The following MS4A4A variants were observed in gnomAD, a reference collection of about 807,000 sequenced individuals.
MS4A4A encodes membrane spanning 4-domains A4A, also known as membrane-spanning 4-domains subfamily A member 4A.
Under a neutral mutation model 28.0 loss-of-function variants are expected in MS4A4A, and 26 were observed. That is an observed-to-expected ratio of 0.93 (90% CI 0.68 to 1.29). The LOEUF (loss-of-function observed/expected upper bound fraction) is 1.29, where lower values mean the gene tolerates loss of function less well. Among genes scored for constraint, MS4A4A ranks in the 50% most tolerant of loss-of-function variants. MS4A4A has a pLI of 0.00. For synonymous variants in MS4A4A, 86 were observed against 100.8 expected, an observed-to-expected ratio of 0.85 and a Z score of 0.88; for missense variants, 290 against 293.1, an observed-to-expected ratio of 0.99 and a Z score of 0.08.
chr11:60,305,894 T>A, intron 5 of MS4A4A: 1 of 566,332 alleles, frequency 1.8e-6, no homozygotes, highest in East Asian at 2.9e-5. Context: ...AACTAGGGAA[T>A]AAATGTCTGT....
intron 6 of MS4A4A, among the ~76,000 whole-genome samples, chr11:60,307,195 C>T (rs527846026): frequency 5.3e-5 from 8 of 152,304 alleles, no homozygotes; most frequent in South Asian, 4.1e-4. Context: ...TTTGATGAGA[C>T]GGTTCTTCTG....
At chr11:60,287,281 T>C (rs1817005483) in intron 1 of MS4A4A, among the ~76,000 whole-genome samples, 1 of 152,200 alleles carries the variant, frequency 6.6e-6, no homozygotes, top group African/African-American at 2.4e-5. Context: ...TCTAAAGGCA[T>C]GCATGGTGTA....
chr11:60,294,133 T>C (rs997513531), intron 2 of MS4A4A, among the ~76,000 whole-genome samples: 1 of 152,240 alleles, frequency 6.6e-6, no homozygotes, highest in Non-Finnish European at 1.5e-5. Flanking sequence ...AGTGCCAGTG[T>C]TCTGGATTTT....
intron 1 of MS4A4A, chr11:60,290,241 C>T (rs561404329): frequency 7.3e-6 from 2 of 274,516 alleles, no homozygotes; most frequent in African/African-American, 2.2e-5. Context: ...GGATTATAAA[C>T]AGTAATTTAT....
Position 60,297,245 on chromosome 11 carries a change from A to G in MS4A4A, c.250A>G (p.Met84Val). 6.2e-7 allele frequency: 1 copy of G among 1,613,594 alleles called. No homozygotes were observed. Among genetic ancestry groups the G allele is most frequent in the Non-Finnish European group, 8.5e-7 (1 of 1,179,614 alleles). ...GATGAGCCTTAGCATGGGAATAACA[A>G]TGATGTGTATGGCATCTAATACTTA... ...ALMSLSMGIT[M>V]MCMASNTYGS... The change falls in exon 3 of 7, where the codon ATG (methionine) becomes GTG (valine). Residue 84 changes from methionine (M) to valine (V), a missense_variant. Coordinates refer to ENST00000337908, the MANE Select transcript of MS4A4A (RefSeq NM_148975.3).
rs1297059434 is a variant in MS4A4A at position 60,297,316 on chromosome 11, G to A, written c.321G>A (p.Gly107=). 8 of 1,613,108 alleles carry A rather than the reference G, an allele frequency of 5.0e-6. No individual in the cohort carries two copies. The highest frequency in any genetic ancestry group is 2.2e-5 in the South Asian group (2 of 91,066). The change falls in exon 3 of 7, where the codon GGG becomes GGA. Residue 107 remains glycine (G), a synonymous_variant. Coordinates refer to ENST00000337908, the MANE Select transcript of MS4A4A (RefSeq NM_148975.3). ...TGTATATCGGGTACACAATTTGGGGGTCAGTAATGGTGAGTAGAGTATCTT... is the reference window on the plus strand; with the variant it reads ...TGTATATCGGGTACACAATTTGGGGATCAGTAATGGTGAGTAGAGTATCTT... ...ISVYIGYTIW[G]SVMFIISGSL... is the part of the protein sequence containing the mutation.
Position 60,280,723 on chromosome 11 carries a change from C to T in MS4A4A, c.41+7C>T. On this transcript the variant is annotated splice_region_variant and intron_variant, in intron 1 of 6. Transcript: ENST00000337908. The stretch of plus-strand genomic sequence containing the variant: ...ATTGCAGGCCTGAAGAAAGGTAGGT[C>T]CAGGGACTTGCCTTCCTAGGCTTTC... The T allele has an allele frequency of 1.9e-6, 3 of 1,613,452 alleles. No individual in the cohort carries two copies. The highest frequency in any genetic ancestry group is 2.5e-6 in the Non-Finnish European group (3 of 1,179,574).
At chr11:60,286,472 T>G (rs888034219) in intron 1 of MS4A4A, among the ~76,000 whole-genome samples, 4 of 152,210 alleles carry the variant, frequency 2.6e-5, no homozygotes, top group Non-Finnish European at 5.9e-5. Context: ...AAAGTATTAA[T>G]TTGGGGAACT....
At chr11:60,294,892 ACTTCTTCTTCTT>A (rs71036569) in intron 2 of MS4A4A, among the ~76,000 whole-genome samples, 14,556 of 130,902 alleles carry the variant, frequency 0.11, 864 homozygotes, top group Admixed American at 0.15. Context: ...TACAACTACT[ACTTCTTCTTCTT>A]CTTCTTCTTC....
chr11:60,287,510 A>C (rs2084813446), intron 1 of MS4A4A, among the ~76,000 whole-genome samples: 1 of 152,204 alleles, frequency 6.6e-6, no homozygotes, highest in South Asian at 2.1e-4. Flanking sequence ...ATGGCAATTA[A>C]GTTTTCAAAT....
In MS4A4A at chr11:60,297,259, A is replaced by C. The variant is rs147908272; in HGVS notation, c.264A>C (p.Ala88=). 412 of 1,613,548 alleles carry C rather than the reference A, an allele frequency of 2.6e-4. No homozygotes were observed. The highest frequency in any genetic ancestry group is 3.3e-4 in the Non-Finnish European group (389 of 1,179,632). The change falls in exon 3 of 7, where the codon GCA becomes GCC. Residue 88 remains alanine (A), a synonymous_variant. Coordinates refer to ENST00000337908, the MANE Select transcript of MS4A4A (RefSeq NM_148975.3). ...LSMGITMMCM[A]SNTYGSNPIS... is the part of the protein sequence containing the mutation. ...TGGGAATAACAATGATGTGTATGGC[A>C]TCTAATACTTATGGAAGTAACCCTA...
intron 1 of MS4A4A, among the ~76,000 whole-genome samples, chr11:60,286,039 C>A (rs540246682): frequency 6.6e-6 from 1 of 152,164 alleles, no homozygotes; most frequent in Non-Finnish European, 1.5e-5. Context: ...TAGGCACCCC[C>A]TGGGAATGCA....
intron 5 of MS4A4A, among the ~76,000 whole-genome samples, chr11:60,303,751 T>G (rs2084973557): frequency 6.6e-6 from 1 of 152,072 alleles, no homozygotes; most frequent in Non-Finnish European, 1.5e-5. Context: ...CACCTGCAAA[T>G]TTTTTGTTAC....
chr11:60,280,883 C>T (rs549718298), intron 1 of MS4A4A, among the ~76,000 whole-genome samples, 167 bp downstream of exon 1: 192 of 151,548 alleles, frequency 1.3e-3, no homozygotes, highest in African/African-American at 4.5e-3. Flanking sequence ...AATGTGCATT[C>T]GGTGGGGGGA....
chr11:60,293,403 G>C (rs898163442), intron 2 of MS4A4A, among the ~76,000 whole-genome samples: 4 of 152,130 alleles, frequency 2.6e-5, no homozygotes, highest in African/African-American at 9.7e-5. Flanking sequence ...GAAAAATTGA[G>C]AGCAAAGTAC....
At chr11:60,291,444 T>G (rs2084854905) in intron 1 of MS4A4A, among the ~76,000 whole-genome samples, 1 of 152,180 alleles carries the variant, frequency 6.6e-6, no homozygotes, top group Non-Finnish European at 1.5e-5. Flanking sequence ...AAGGAGGAAC[T>G]ATGCAATACT....
intron 6 of MS4A4A, among the ~76,000 whole-genome samples, chr11:60,306,571 C>G (rs2085004746): frequency 6.6e-6 from 1 of 152,174 alleles, no homozygotes. Context: ...AGAATAATGC[C>G]TTTCTTGATA....
At chr11:60,297,428 T>G (rs2084915986) in intron 3 of MS4A4A, 103 bp downstream of exon 3, 1 of 1,342,654 alleles carries the variant, frequency 7.4e-7, no homozygotes, top group Non-Finnish European at 1.0e-6. Flanking sequence ...ATTCTGTAAA[T>G]CTGAGAGTGG....
At chr11:60,294,711 T>G (rs2084886980) in intron 2 of MS4A4A, among the ~76,000 whole-genome samples, 1 of 152,136 alleles carries the variant, frequency 6.6e-6, no homozygotes, top group Non-Finnish European at 1.5e-5. Context: ...TACTTTTTTT[T>G]TCATTGTATT....
Sources: gnomAD v4.1 joint callset for allele counts (sites outside exome capture counted in the v4.1 genomes callset) on GRCh38, gnomAD v4.1.1 for gene constraint, MANE v1.5 for transcripts, NCBI Gene and HGNC (gene_info 2026-07-23, HGNC 2026-07-21) for gene names.